ROBO2: variants seen among roughly 807,000 people sequenced by gnomAD.
ROBO2 encodes the protein roundabout homolog 2.
In ROBO2, 53 loss-of-function variants were observed where a neutral mutation model predicts 160.8. That is an observed-to-expected ratio of 0.33 (90% CI 0.26 to 0.41). The LOEUF is 0.41. Ranked by LOEUF, ROBO2 falls within the 10% of genes least tolerant of loss-of-function variation. The pLI is 1.00. For missense variants in ROBO2, 1,577 were observed against 1,722.4 expected, an observed-to-expected ratio of 0.92 and a Z score of 1.49; for synonymous variants, 664 against 611.7, an observed-to-expected ratio of 1.09 and a Z score of -1.26.
intron 2 of ROBO2, among the ~76,000 whole-genome samples, chr3:76,416,265 A>C (rs945117863): frequency 6.6e-6 from 1 of 152,140 alleles, no homozygotes; most frequent in African/African-American, 2.4e-5. Context: ...TTAACTAACA[A>C]ATTCCTTTGG....
At chr3:77,460,449 G>C (rs930833098) in intron 2 of ROBO2, among the ~76,000 whole-genome samples, 2 of 152,086 alleles carry the variant, frequency 1.3e-5, no homozygotes, top group Admixed American at 1.3e-4. Context: ...TGCATTTTGG[G>C]ATCATCAGCA....
chr3:77,291,687 G>C (rs1341030986), intron 2 of ROBO2, among the ~76,000 whole-genome samples: 1 of 151,868 alleles, frequency 6.6e-6, no homozygotes, highest in Non-Finnish European at 1.5e-5. Context: ...AAATGGGTAA[G>C]CTGAGGCTAG....
chr3:77,459,283 A>G (rs1306392341), intron 2 of ROBO2, among the ~76,000 whole-genome samples: 1 of 152,228 alleles, frequency 6.6e-6, no homozygotes, highest in African/African-American at 2.4e-5. Flanking sequence ...AGAGATAAGC[A>G]ACTACCCATA....
chr3:76,715,718 T>C (rs144045309), intron 2 of ROBO2, among the ~76,000 whole-genome samples: 1 of 152,310 alleles, frequency 6.6e-6, no homozygotes, highest in East Asian at 1.9e-4. Flanking sequence ...TGGGAATTGT[T>C]CTAAGAACAT....
chr3:77,457,226 G>A (rs1314543872), intron 2 of ROBO2, among the ~76,000 whole-genome samples: 9 of 152,112 alleles, frequency 5.9e-5, no homozygotes, highest in Non-Finnish European at 1.3e-4. Context: ...AGATGGAACT[G>A]TCAGAAACAG....
chr3:77,574,319 G>T (rs145696633), intron 13 of ROBO2, among the ~76,000 whole-genome samples, 180 bp from the exon 15 acceptor site: 181 of 152,098 alleles, frequency 1.2e-3, no homozygotes, highest in Non-Finnish European at 2.2e-3. Context: ...AATCTTAGGA[G>T]CAATCTGAAC....
rs1017253919 is a variant in ROBO2, at chr3:76,556,797, G to C, written c.110-541217G>C. Among the ~76,000 whole-genome samples the C allele has an allele frequency of 4.6e-5, 7 of 152,132 alleles. No individual in the cohort carries two copies. The South Asian group carries it at 1.5e-3, about 32-fold the overall frequency. The stretch of plus-strand genomic sequence containing the variant: ...AATTCAAGTTATTATGCATTTTTAA[G>C]ATTTTTATCAAAGCAAATAACACGT... On this transcript the variant is annotated intron_variant, in intron 2 of 26. Transcript: ENST00000487694.
intron 2 of ROBO2, among the ~76,000 whole-genome samples, chr3:77,383,057 G>T (rs963957360): frequency 6.6e-6 from 1 of 152,204 alleles, no homozygotes; most frequent in African/African-American, 2.4e-5. Context: ...GCATAAAATA[G>T]AAACTATTTG....
At chr3:76,100,215 A>G (rs1322653333) in intron 2 of ROBO2, among the ~76,000 whole-genome samples, 2 of 152,122 alleles carry the variant, frequency 1.3e-5, no homozygotes, top group Admixed American at 1.3e-4. Context: ...GTGCTTCTTG[A>G]TTTATTTAGG....
chr3:76,306,496 A>T (rs1211379198), intron 2 of ROBO2, among the ~76,000 whole-genome samples: 1 of 152,164 alleles, frequency 6.6e-6, no homozygotes, highest in Non-Finnish European at 1.5e-5. Context: ...AAATCATGGT[A>T]TTGGATAAAA....
intron 2 of ROBO2, among the ~76,000 whole-genome samples, chr3:76,618,046 C>G (rs1485430921): frequency 6.6e-6 from 1 of 151,584 alleles, no homozygotes; most frequent in African/African-American, 2.4e-5. Context: ...CAAAATGACC[C>G]TCAAAGACAA....
At chr3:77,328,565 TCTG>T (rs1473138759) in intron 2 of ROBO2, among the ~76,000 whole-genome samples, 1 of 152,162 alleles carries the variant, frequency 6.6e-6, no homozygotes, top group South Asian at 2.1e-4. Context: ...TGGTGATTGA[TCTG>T]CTGTTTAACT....
Position 76,185,215 on chromosome 3 carries a change from T to TATATATATATACAC in ROBO2, c.109+247614_109+247615insTATATATATACACA. ...ACACAGATATATATATATATATATA[T>TATATATATATACAC]ACACACACAAAGATGTTATATATAC... On this transcript the variant is annotated intron_variant, in intron 2 of 26. Transcript: ENST00000487694. Among the ~76,000 whole-genome samples, 53 of 90,246 alleles carry TATATATATATACAC rather than the reference T, an allele frequency of 5.9e-4. 1 individual carries two copies. The highest frequency in any genetic ancestry group is 7.7e-4 in the Admixed American group (6 of 7,756). The allele number at this position is 90,246 out of a possible 152,430, so 59.2% of individuals were successfully genotyped here. A position where few individuals can be genotyped will look rare whatever the true frequency, so the allele number is the denominator to read the frequency against.
intron 2 of ROBO2, among the ~76,000 whole-genome samples, chr3:76,639,617 C>G (rs1271974522): frequency 6.6e-6 from 1 of 151,990 alleles, no homozygotes; most frequent in Admixed American, 6.6e-5. Context: ...AAAAAGTACA[C>G]ACTTCAATTT....
At chr3:76,415,293 T>C (rs1032433707) in intron 2 of ROBO2, among the ~76,000 whole-genome samples, 2 of 152,154 alleles carry the variant, frequency 1.3e-5, no homozygotes, top group African/African-American at 4.8e-5. Context: ...GCCTTGAGAC[T>C]AAATGAAGGG....
chr3:76,147,721 C>T (rs1225066613), intron 2 of ROBO2, among the ~76,000 whole-genome samples: 8 of 151,832 alleles, frequency 5.3e-5, no homozygotes, highest in South Asian at 2.1e-4. Context: ...ACCCTCAATG[C>T]GTCTCCCTGA....
intron 2 of ROBO2, among the ~76,000 whole-genome samples, chr3:77,424,315 G>A (rs757782007): frequency 3.9e-5 from 6 of 152,130 alleles, no homozygotes; most frequent in Non-Finnish European, 7.4e-5. Context: ...GTAAAGCATT[G>A]ACAGAGGAAG....
chr3:76,884,354 C>T (rs970208152), intron 2 of ROBO2, among the ~76,000 whole-genome samples: 9 of 152,178 alleles, frequency 5.9e-5, no homozygotes, highest in African/African-American at 1.9e-4. Flanking sequence ...CTATTATTCT[C>T]TAAGCTGCAC....
At chr3:76,292,502 A>G (rs1397266695) in intron 2 of ROBO2, among the ~76,000 whole-genome samples, 1 of 152,224 alleles carries the variant, frequency 6.6e-6, no homozygotes, top group Non-Finnish European at 1.5e-5. Flanking sequence ...TAGACTCTCT[A>G]TTCCACCCAT....
Sources: gnomAD v4.1 joint callset for allele counts (sites outside exome capture counted in the v4.1 genomes callset) on GRCh38, gnomAD v4.1.1 for gene constraint, MANE v1.5 for transcripts, NCBI Gene and HGNC (gene_info 2026-07-23, HGNC 2026-07-21) for gene names.